Variants in RNF6 observed in about 807,000 individuals in gnomAD.
RNF6 encodes the protein E3 ubiquitin-protein ligase RNF6.
In RNF6, 21 loss-of-function variants were observed where a neutral mutation model predicts 50.1. That is an observed-to-expected ratio of 0.42 (90% CI 0.30 to 0.60). The LOEUF is 0.60. RNF6 is among the 20% of genes least tolerant of loss of function. The pLI is 0.20. For missense variants in RNF6, 698 were observed against 838.2 expected, an observed-to-expected ratio of 0.83 and a Z score of 2.07; for synonymous variants, 255 against 291.8, an observed-to-expected ratio of 0.87 and a Z score of 1.29.
At chr13:26,179,752 G>A (rs1485563713) in intron 5 of RNF6, among the ~76,000 whole-genome samples, 1 of 152,158 alleles carries the variant, frequency 6.6e-6, no homozygotes, top group Non-Finnish European at 1.5e-5. Context: ...CAGAGGCAGA[G>A]GTTTGTCTCT....
intron 5 of RNF6, among the ~76,000 whole-genome samples, chr13:26,150,000 A>AGTGTATATATAAT (rs1394445728): frequency 4.5e-5 from 6 of 132,402 alleles, no homozygotes; most frequent in African/African-American, 1.8e-4. Context: ...ATATATACAC[A>AGTGTATATATAAT]GTGTATATAT....
intron 5 of RNF6, among the ~76,000 whole-genome samples, chr13:26,197,745 G>A (rs547718132): frequency 6.6e-6 from 1 of 151,878 alleles, no homozygotes; most frequent in African/African-American, 2.4e-5. Flanking sequence ...AATACATTAG[G>A]CTGGGTGCAG....
intron 5 of RNF6, among the ~76,000 whole-genome samples, chr13:26,152,302 G>A (rs1871654112): frequency 6.6e-6 from 1 of 152,134 alleles, no homozygotes; most frequent in Non-Finnish European, 1.5e-5. Context: ...CCAAAAAGAC[G>A]CCCAATGTTT....
In RNF6 at chr13:26,149,891, T is replaced by C. The variant is rs1285132643; in HGVS notation, n.769-17440A>G. 1.3e-3 allele frequency among the ~76,000 whole-genome samples: 106 copies of C among 79,828 alleles called. 10 individuals are homozygous for C. The highest frequency in any genetic ancestry group is 4.4e-3 in the African/African-American group (94 of 21,204). The allele number at this position is 79,828 out of a possible 152,430, so 52.4% of individuals were successfully genotyped here. A position where few individuals can be genotyped will look rare whatever the true frequency, so the allele number is the denominator to read the frequency against. ...GTGTGTATATATATATATATATATA[T>C]ATACACACACACAGTGTATATATAA... On this transcript the variant is annotated intron_variant and non_coding_transcript_variant, in intron 5 of 5. Transcript: ENST00000468480.
rs57251514 is a variant in RNF6 at position 26,196,636 on chromosome 13, A to AAAATAAATAAAT, written n.768+18826_768+18837dup. Among the ~76,000 whole-genome samples the AAAATAAATAAAT allele has an allele frequency of 5.9e-4, 89 of 151,270 alleles. 2 individuals carry two copies. The highest frequency in any genetic ancestry group is 2.1e-3 in the African/African-American group (86 of 40,888). ...TGACAGAGTGAGACTCTTTCTCCAA[A>AAAATAAATAAAT]AAATAAATAAATAAATAAATAAATA... is the stretch of plus-strand genomic sequence containing the variant. On this transcript the variant is annotated intron_variant and non_coding_transcript_variant, in intron 5 of 5. Transcript: ENST00000468480.
intron 5 of RNF6, among the ~76,000 whole-genome samples, chr13:26,151,621 C>CTTT (rs10682446): frequency 0.76 from 106,485 of 139,410 alleles, 42,915 homozygotes; most frequent in East Asian, 0.95. Context: ...TTCTTTTTTT[C>CTTT]TTTTTTTTTT....
intron 5 of RNF6, among the ~76,000 whole-genome samples, chr13:26,166,197 T>C (rs1242308323): frequency 3.3e-5 from 5 of 152,208 alleles, no homozygotes; most frequent in African/African-American, 7.2e-5. Flanking sequence ...TCTGCTGCCA[T>C]GTGAGATGTG....
chr13:26,177,704 C>T (rs1434809235), intron 5 of RNF6, among the ~76,000 whole-genome samples: 5 of 152,212 alleles, frequency 3.3e-5, no homozygotes, highest in African/African-American at 4.8e-5. Flanking sequence ...TTACCCTCCA[C>T]ATCCAATTGA....
downstream of RNF6, among the ~76,000 whole-genome samples, chr13:26,209,102 T>C (rs10507350): frequency 0.012 from 1,765 of 152,258 alleles, 72 homozygotes; most frequent in East Asian, 0.1. Context: ...TTAAGGAAAG[T>C]GTATTGTCAA....
At chr13:26,160,541 CTTCT>C (rs1446427667) in intron 5 of RNF6, among the ~76,000 whole-genome samples, 37 of 23,152 alleles carry the variant, frequency 1.6e-3, no homozygotes, top group African/African-American at 5.1e-3. Context: ...TTCTCTTCTT[CTTCT>C]TTTTTTTTTT....
chr13:26,156,670 C>T (rs1319321035), intron 5 of RNF6, among the ~76,000 whole-genome samples: 2 of 152,018 alleles, frequency 1.3e-5, no homozygotes, highest in African/African-American at 4.8e-5. Context: ...TCTCTGACCA[C>T]AATGCAATAA....
intron 5 of RNF6, among the ~76,000 whole-genome samples, chr13:26,160,538 CTTCTTCTTTTT>C (rs1566414112): frequency 1.6e-3 from 84 of 52,760 alleles, no homozygotes; most frequent in Middle Eastern, 0.011. Flanking sequence ...TTCTTCTCTT[CTTCTTCTTTTT>C]TTTTTTTTTT....
intron 5 of RNF6, among the ~76,000 whole-genome samples, chr13:26,156,340 C>T (rs539596028): frequency 6.2e-4 from 95 of 152,104 alleles, no homozygotes; most frequent in Non-Finnish European, 1.3e-3. Flanking sequence ...TAAGCCATTA[C>T]GCATCAGTTA....
chr13:26,148,731 T>C (rs1871400026), intron 5 of RNF6, among the ~76,000 whole-genome samples: 1 of 143,454 alleles, frequency 7.0e-6, no homozygotes, highest in Non-Finnish European at 1.5e-5. Context: ...ATTTTATATA[T>C]AGTAAGGAAT....
downstream of RNF6, among the ~76,000 whole-genome samples, chr13:26,211,809 T>TG (rs1566435572): frequency 6.6e-6 from 1 of 152,118 alleles, no homozygotes; most frequent in African/African-American, 2.4e-5. Context: ...CTCCTCATAC[T>TG]GGGGGCAAAT....
downstream of RNF6, among the ~76,000 whole-genome samples, chr13:26,211,729 GC>G (rs61383574): frequency 3.0e-3 from 462 of 152,240 alleles, 2 homozygotes; most frequent in Non-Finnish European, 4.0e-3. Flanking sequence ...CTGCACTCAA[GC>G]CTGGGCAACA....
chr13:26,184,705 C>A (rs1437022553), intron 5 of RNF6, among the ~76,000 whole-genome samples: 1 of 152,170 alleles, frequency 6.6e-6, no homozygotes, highest in Non-Finnish European at 1.5e-5. Flanking sequence ...CTGCACAATA[C>A]GAGTATCTCT....
chr13:26,159,068 ATAAT>A (rs928843535), intron 5 of RNF6, among the ~76,000 whole-genome samples: 43 of 144,202 alleles, frequency 3.0e-4, no homozygotes, highest in Non-Finnish European at 5.4e-4. Flanking sequence ...ATATACTACA[ATAAT>A]TAATTATTGT....
At chr13:26,217,977 T>C (rs2137781599) in intron 4 of RNF6, among the ~76,000 whole-genome samples, 1 of 152,354 alleles carries the variant, frequency 6.6e-6, no homozygotes, top group South Asian at 2.1e-4. Context: ...GTGAAACTAC[T>C]AATAAATACC....
Sources: allele counts gnomAD v4.1 joint callset (sites outside exome capture counted in the v4.1 genomes callset), GRCh38; gene constraint gnomAD v4.1.1; transcripts MANE v1.5; gene names NCBI Gene and HGNC (gene_info 2026-07-23, HGNC 2026-07-21).